ZFAND4: variants seen among roughly 807,000 people sequenced by gnomAD.
ZFAND4 encodes AN1-type zinc finger protein 4.
In ZFAND4, 43 loss-of-function variants were observed where a neutral mutation model predicts 64.4. The ratio of observed to expected loss-of-function variants is 0.67; its 90% CI spans 0.52 to 0.86. The LOEUF is 0.86. Among genes scored for constraint, ZFAND4 ranks in the 40% least tolerant of loss-of-function variants. The pLI, the probability that ZFAND4 is intolerant of heterozygous loss-of-function variation, is 0.00. For missense variants in ZFAND4, 929 were observed against 859.8 expected (o/e 1.08, Z -1.01); for synonymous variants, 296 against 305.7 (o/e 0.97, Z 0.33).
Position 45,626,636 on chromosome 10 carries a change from G to C in ZFAND4, c.1187C>G (p.Pro396Arg). 2 of 1,614,190 alleles carry C rather than the reference G, an allele frequency of 1.2e-6. No homozygotes were observed. Among genetic ancestry groups the C allele is most frequent in the Non-Finnish European group, 1.7e-6 (2 of 1,180,042 alleles). Residue 396 changes from proline (P) to arginine (R), a missense_variant, in exon 7 of 10, where the codon CCT becomes CGT. By Grantham distance (103) the Pro-to-Arg change is moderately radical. Transcript: ENST00000344646. ...AAATGAAGCCAGTGAGCCCACTTTA[G>C]GTAGAAGTGATTGTTCGGTTACACA... The part of the protein sequence containing the change: ...EECVTEQSLL[P>R]KVGSLASFAE...
chr10:45,632,506 AAAAT>A (rs1220648022), intron 6 of ZFAND4, among the ~76,000 whole-genome samples: 1 of 152,208 alleles, frequency 6.6e-6, no homozygotes, highest in Non-Finnish European at 1.5e-5. Context: ...AGAAGAGAAA[AAAAT>A]AAGTTCACTG....
At chr10:45,650,323 G>A (rs2047677029) in intron 4 of ZFAND4, 1 of 152,038 alleles carries the variant, frequency 6.6e-6, no homozygotes, top group African/African-American at 2.4e-5. Context: ...TGTATTTTTA[G>A]TAGAGATGGG....
chr10:45,670,994 A>T (rs2049146898), intron 1 of ZFAND4, among the ~76,000 whole-genome samples: 1 of 152,244 alleles, frequency 6.6e-6, no homozygotes, highest in Non-Finnish European at 1.5e-5. Flanking sequence ...CAAGAAAAAA[A>T]CAACCGCATC....
Position 45,615,669 on chromosome 10 carries a change from T to C in ZFAND4, c.*767A>G, listed in dbSNP as rs1317211510. The C allele has an allele frequency of 3.9e-5, 6 of 152,168 alleles. No homozygotes were observed. Among genetic ancestry groups the C allele is most frequent in the Non-Finnish European group, 5.9e-5 (4 of 68,020 alleles). The allele number at this position is 152,168 out of a possible 1,614,324, so 9.4% of individuals were successfully genotyped here. A position where few individuals can be genotyped will look rare whatever the true frequency, so the allele number is the denominator to read the frequency against. Reference sequence around the variant, plus strand: ...AAATAAGAAAAACCGAGCTGTGAGATTTTGTTTTAAATGTAGCCATATTTC... The same window carrying C: ...AAATAAGAAAAACCGAGCTGTGAGACTTTGTTTTAAATGTAGCCATATTTC... On this transcript the variant is annotated 3_prime_UTR_variant, in exon 10 of 10. Coordinates refer to ENST00000344646, the MANE Select transcript of ZFAND4 (RefSeq NM_174890.4).
intron 6 of ZFAND4, among the ~76,000 whole-genome samples, chr10:45,636,671 G>C (rs1156601381): frequency 6.6e-6 from 1 of 151,968 alleles, no homozygotes. Context: ...CTGTTTTATG[G>C]CACACAATAT....
chr10:45,665,515 T>C (rs952945756), intron 1 of ZFAND4, among the ~76,000 whole-genome samples: 1 of 151,980 alleles, frequency 6.6e-6, no homozygotes, highest in Non-Finnish European at 1.5e-5. Flanking sequence ...CACTCCAACC[T>C]GGGTGACAGA....
rs926024245 is a variant in ZFAND4 at position 45,639,020 on chromosome 10, T to C, written c.717+796A>G. Among the ~76,000 whole-genome samples the C allele has an allele frequency of 3.9e-5, 6 of 152,198 alleles. No individual in the cohort carries two copies. In the East Asian group the frequency reaches 1.2e-3, roughly 29 times the overall value. ...GTCCTATTTTAATTTGGGTTGTGTC[T>C]ACATGAGTGTATATAAATGTAAAAA... On this transcript the variant is annotated intron_variant, in intron 6 of 9. Coordinates refer to ENST00000344646, the MANE Select transcript of ZFAND4 (RefSeq NM_174890.4).
At chr10:45,637,045 A>G (rs79180736) in intron 6 of ZFAND4, among the ~76,000 whole-genome samples, 9,053 of 151,650 alleles carry the variant, frequency 0.06, 398 homozygotes, top group African/African-American at 0.12. Context: ...TTTACGTTAT[A>G]TCAGAAAAAT....
intron 1 of ZFAND4, among the ~76,000 whole-genome samples, chr10:45,665,457 C>T (rs1368693420): frequency 3.9e-5 from 6 of 152,092 alleles, no homozygotes; most frequent in African/African-American, 1.4e-4. Context: ...AGGAGAACCG[C>T]TTGAGTCCAG....
intron 4 of ZFAND4, chr10:45,651,294 C>T: frequency 4.4e-6 from 1 of 225,378 alleles, no homozygotes; most frequent in Non-Finnish European, 9.1e-6. Context: ...CTAATGTCAT[C>T]TTTTTCGAGG....
chr10:45,633,189 T>C (rs968148866), intron 6 of ZFAND4, among the ~76,000 whole-genome samples: 2 of 151,520 alleles, frequency 1.3e-5, no homozygotes, highest in African/African-American at 4.9e-5. Flanking sequence ...CTATTACCAT[T>C]CTCATTCTAA....
intron 6 of ZFAND4, among the ~76,000 whole-genome samples, chr10:45,634,307 G>A (rs917961681): frequency 5.3e-5 from 8 of 152,044 alleles, no homozygotes; most frequent in African/African-American, 1.9e-4. Flanking sequence ...GGCAGATCAC[G>A]GGGTCAAGAG....
At chr10:45,628,426 A>G (rs531167893) in intron 6 of ZFAND4, among the ~76,000 whole-genome samples, 6 of 152,300 alleles carry the variant, frequency 3.9e-5, no homozygotes, top group Admixed American at 3.3e-4. Flanking sequence ...CTCCTGCCTC[A>G]GCCTCCTGAG....
intron 5 of ZFAND4, among the ~76,000 whole-genome samples, chr10:45,643,063 G>A (rs975907471): frequency 4.0e-5 from 6 of 151,318 alleles, no homozygotes; most frequent in Non-Finnish European, 7.4e-5. Flanking sequence ...TGGGATTACA[G>A]GCATGCACCA....
Position 45,672,397 on chromosome 10 carries a change from C to G in ZFAND4, c.-265G>C, listed in dbSNP as rs527698375. 6.6e-6 allele frequency: 1 copy of G among 152,440 alleles called. No individual in the cohort carries two copies. The highest frequency in any genetic ancestry group is 2.4e-5 in the African/African-American group (1 of 41,594). 9.4% of individuals were successfully genotyped at this position (152,440 alleles called of 1,614,324 possible). A position where few individuals can be genotyped will look rare whatever the true frequency, so the allele number is the denominator to read the frequency against. ...CAGCACCCGTCGGGAAAGCCGCGTACCCGTTGAAGCTGGCGTCACGCCCAA... is the reference window on the plus strand; with the variant it reads ...CAGCACCCGTCGGGAAAGCCGCGTAGCCGTTGAAGCTGGCGTCACGCCCAA... On this transcript the variant is annotated 5_prime_UTR_variant, in exon 1 of 10. Transcript: ENST00000344646.
chr10:45,655,062 C>A (rs2048014354), intron 2 of ZFAND4, among the ~76,000 whole-genome samples: 1 of 152,144 alleles, frequency 6.6e-6, no homozygotes, highest in South Asian at 2.1e-4. Context: ...TTCGTCTCAT[C>A]AGCACATGAA....
In ZFAND4 at chr10:45,624,598, C is replaced by T. The variant is rs1489815232; in HGVS notation, c.1912G>A (p.Ala638Thr). ...GVGMNGNNAA[A>T]GKSVGECTTH... ...TGTAGCTTACCTACGCTTTTCCCTG[C>T]TGCTGCATTATTTCCATTCATTCCA... The change falls in exon 8 of 10, where the codon GCA becomes ACA. Residue 638 changes from alanine (A) to threonine (T), a missense_variant. Physicochemically the swap from Ala to Thr is moderately conservative, Grantham distance 58. Transcript: ENST00000344646. 1.2e-6 allele frequency: 2 copies of T among 1,613,748 alleles called. No individual in the cohort carries two copies. Among genetic ancestry groups the T allele is most frequent in the Non-Finnish European group, 1.7e-6 (2 of 1,179,912 alleles).
Position 45,626,743 on chromosome 10 carries a change from T to C in ZFAND4, c.1080A>G (p.Gly360=), listed in dbSNP as rs1455050185. 3 of 1,614,216 alleles carry C rather than the reference T, an allele frequency of 1.9e-6. No individual in the cohort carries two copies. The highest frequency in any genetic ancestry group is 1.1e-5 in the South Asian group (1 of 91,088). The stretch of plus-strand genomic sequence containing the variant: ...GTTTTGTTTGCCTAGGCAGGGATGA[T>C]CCAAGATGGAGAACAGAGTCAGCAA... ...QELADSVLHL[G]SSLPRQTKHF... Residue 360 remains glycine (G), a synonymous_variant, in exon 7 of 10, where the codon GGA becomes GGG. Coordinates refer to ENST00000344646, the MANE Select transcript of ZFAND4 (RefSeq NM_174890.4).
At chr10:45,640,042 T>C in intron 5 of ZFAND4, 79 bp from the exon 6 acceptor site, 1 of 1,439,656 alleles carries the variant, frequency 6.9e-7, no homozygotes, top group South Asian at 1.4e-5. Context: ...GAAACAGCAA[T>C]CTATAGAAGT....
Sources: allele counts gnomAD v4.1 joint callset (sites outside exome capture counted in the v4.1 genomes callset), GRCh38; gene constraint gnomAD v4.1.1; transcripts MANE v1.5; gene names NCBI Gene and HGNC (gene_info 2026-07-23, HGNC 2026-07-21).